The following CDK5RAP2 variants were observed in gnomAD, a reference collection of about 807,000 sequenced individuals.
CDK5RAP2 encodes CDK5 regulatory subunit-associated protein 2.
In CDK5RAP2, 147 loss-of-function variants were observed where a neutral mutation model predicts 232.9. The observed-to-expected ratio is 0.63, with a 90% confidence interval of 0.55 to 0.72. The LOEUF is 0.72. Ranked by LOEUF, CDK5RAP2 falls within the 30% of genes least tolerant of loss-of-function variation. The probability of loss-of-function intolerance (pLI) is 0.00; values close to 1 mark genes in which losing one functional copy is unlikely to be tolerated. For missense variants in CDK5RAP2, 2,195 were observed against 2,231.5 expected (o/e 0.98, Z 0.33); for synonymous variants, 833 against 833.7 (o/e 1.00, Z 0.01).
At chr9:120,419,244 T>A (rs1475006025) in intron 27 of CDK5RAP2, among the ~76,000 whole-genome samples, 1 of 152,252 alleles carries the variant, frequency 6.6e-6, no homozygotes, top group African/African-American at 2.4e-5. Context: ...AAATTTCTGC[T>A]GTTTATAAGT....
intron 8 of CDK5RAP2, among the ~76,000 whole-genome samples, chr9:120,529,097 G>A (rs1298784986): frequency 6.6e-6 from 1 of 152,222 alleles, no homozygotes; most frequent in African/African-American, 2.4e-5. Flanking sequence ...GTGGGCAAGA[G>A]AGTTAAGAGG....
In CDK5RAP2 at chr9:120,389,267, C is replaced by G. The variant is rs1301934138; in HGVS notation, c.5651G>C (p.Gly1884Ala). Residue 1884 changes from glycine (G) to alanine (A), a missense_variant, in exon 38 of 38, where the codon GGA (glycine) becomes GCA (alanine). Coordinates refer to ENST00000349780, the MANE Select transcript of CDK5RAP2 (RefSeq NM_018249.6). ...LELRPGGAHPGTCSPSRPGS is the reference protein window; with the variant it reads ...LELRPGGAHPATCSPSRPGS ...GCCTGGTCTGCTGGGACTGCATGTT[C>G]CTGGATGGGCTCCCCCAGGCCTAAG... is the stretch of plus-strand genomic sequence containing the variant. 1.9e-6 allele frequency: 3 copies of G among 1,612,734 alleles called. No homozygotes were observed. The highest frequency in any genetic ancestry group is 2.5e-6 in the Non-Finnish European group (3 of 1,179,438).
chr9:120,556,946 C>T (rs959702396), intron 3 of CDK5RAP2, among the ~76,000 whole-genome samples: 2 of 152,118 alleles, frequency 1.3e-5, no homozygotes, highest in African/African-American at 4.8e-5. Flanking sequence ...ACGACTACCC[C>T]GCCAGATGCT....
intron 4 of CDK5RAP2, 119 bp from the exon 5 acceptor site, chr9:120,545,909 G>A: frequency 3.8e-6 from 3 of 792,874 alleles, no homozygotes; most frequent in Non-Finnish European, 6.5e-6. Context: ...ATAGGCAGAT[G>A]TTAGATTCCA....
intron 6 of CDK5RAP2, among the ~76,000 whole-genome samples, chr9:120,538,230 G>A (rs2041479173): frequency 6.6e-6 from 1 of 152,132 alleles, no homozygotes; most frequent in African/African-American, 2.4e-5. Context: ...ATGGAAAATT[G>A]TAAACTGCAA....
intron 23 of CDK5RAP2, among the ~76,000 whole-genome samples, chr9:120,440,662 C>T (rs908490575): frequency 6.6e-6 from 1 of 152,190 alleles, no homozygotes; most frequent in African/African-American, 2.4e-5. Flanking sequence ...CATAGCAATT[C>T]GTCATCTGAA....
intron 35 of CDK5RAP2, among the ~76,000 whole-genome samples, chr9:120,395,497 A>C (rs1564162801): frequency 6.6e-6 from 1 of 152,232 alleles, no homozygotes. Flanking sequence ...GGTGACATAC[A>C]TGCACGGCGG....
chr9:120,504,424 T>C (rs1177182663), intron 12 of CDK5RAP2, among the ~76,000 whole-genome samples: 3 of 152,120 alleles, frequency 2.0e-5, no homozygotes, highest in African/African-American at 4.8e-5. Context: ...TAGTAACTCC[T>C]CCCTCCTTAA....
intron 25 of CDK5RAP2, among the ~76,000 whole-genome samples, chr9:120,426,489 A>T (rs919281553): frequency 6.6e-6 from 1 of 152,208 alleles, no homozygotes; most frequent in Non-Finnish European, 1.5e-5. Context: ...AAGAGTTATT[A>T]TCTAAAGACC....
intron 12 of CDK5RAP2, among the ~76,000 whole-genome samples, chr9:120,495,917 CGGGA>C (rs2039192387): frequency 9.6e-6 from 1 of 103,950 alleles, no homozygotes; most frequent in Non-Finnish European, 2.1e-5. Flanking sequence ...CCACCCCGTC[CGGGA>C]GGGAGATGGG....
rs202111018 is a variant in CDK5RAP2 at position 120,448,096 on chromosome 9, T to C, written c.2824A>G (p.Ile942Val). 1.2e-6 allele frequency: 2 copies of C among 1,614,166 alleles called. No homozygotes were observed. Among genetic ancestry groups the C allele is most frequent in the Non-Finnish European group, 1.7e-6 (2 of 1,180,000 alleles). Residue 942 changes from isoleucine (I) to valine (V), a missense_variant, in exon 22 of 38, where the codon ATA (isoleucine) becomes GTA (valine). Transcript: ENST00000349780. ...TTTCCTAATGACCGGGATGGTTTTA[T>C]TAGGATTGGCAAGCGGGACTTCTTA... Reference protein sequence around the residue: ...EAKKSRLPILIKPSRSLGNMY... With the variant: ...EAKKSRLPILVKPSRSLGNMY...
In CDK5RAP2 at chr9:120,453,529, T is replaced by G; in HGVS notation, c.2720A>C (p.His907Pro). Residue 907 changes from histidine to proline, a missense_variant, in exon 21 of 38, where the codon CAT (histidine) becomes CCT (proline). His to Pro is a moderately conservative substitution (Grantham distance 77). Transcript: ENST00000349780. Reference protein sequence around the residue: ...KPINTALSAEHRPENLHGVPG... With the variant: ...KPINTALSAEPRPENLHGVPG... ...CACCCCGTGCAGGTTCTCTGGCCGA[T>G]GCTCTGCGCTGAGTGCAGTGTTGAT... 1.2e-6 allele frequency: 2 copies of G among 1,614,168 alleles called. No individual in the cohort carries two copies. Among genetic ancestry groups the G allele is most frequent in the Non-Finnish European group, 1.7e-6 (2 of 1,180,042 alleles).
chr9:120,486,909 G>A (rs577723581), intron 14 of CDK5RAP2, among the ~76,000 whole-genome samples: 16 of 152,298 alleles, frequency 1.1e-4, no homozygotes, highest in African/African-American at 2.9e-4. Flanking sequence ...TGCTGGCGAC[G>A]AAAGAAAATG....
intron 31 of CDK5RAP2, chr9:120,407,737 A>T (rs1588252298): frequency 6.1e-6 from 1 of 163,130 alleles, no homozygotes. Context: ...ACACCTCACC[A>T]CACCTCAAAA....
chr9:120,393,026 AC>A (rs2032134715), intron 36 of CDK5RAP2, among the ~76,000 whole-genome samples: 3 of 151,894 alleles, frequency 2.0e-5, no homozygotes, highest in Admixed American at 2.0e-4. Flanking sequence ...TCAGAGGAAA[AC>A]CCTTTGCACG....
At chr9:120,558,110 C>G (rs1405995510) in intron 3 of CDK5RAP2, among the ~76,000 whole-genome samples, 1 of 143,448 alleles carries the variant, frequency 7.0e-6, no homozygotes, top group Non-Finnish European at 1.5e-5. Flanking sequence ...CACGGTGACT[C>G]ACGCCTGTAA....
intron 36 of CDK5RAP2, among the ~76,000 whole-genome samples, 161 bp downstream of exon 36, chr9:120,394,351 G>C (rs934524735): frequency 1.3e-5 from 2 of 152,144 alleles, no homozygotes; most frequent in Admixed American, 6.5e-5. Flanking sequence ...GAATACATTT[G>C]TCTATGTGAG....
chr9:120,550,943 G>C, intron 3 of CDK5RAP2, 41 bp from the exon 4 acceptor site: 1 of 1,170,224 alleles, frequency 8.5e-7, no homozygotes, highest in Non-Finnish European at 1.3e-6. Context: ...GCAAACAAAA[G>C]ACAGAGGGTC....
At chr9:120,451,004 T>C (rs2036452182) in intron 21 of CDK5RAP2, among the ~76,000 whole-genome samples, 1 of 152,134 alleles carries the variant, frequency 6.6e-6, no homozygotes, top group East Asian at 1.9e-4. Context: ...GGCTGGAAAA[T>C]AACAATCATT....
Sources: gnomAD v4.1 joint callset for allele counts (sites outside exome capture counted in the v4.1 genomes callset) on GRCh38, gnomAD v4.1.1 for gene constraint, MANE v1.5 for transcripts, NCBI Gene and HGNC (gene_info 2026-07-23, HGNC 2026-07-21) for gene names.